Variants in R3HDM2 observed in about 807,000 individuals in gnomAD.
R3HDM2 encodes the protein R3H domain containing 2.
In R3HDM2, 38 loss-of-function variants were observed where a neutral mutation model predicts 124.5. The ratio of observed to expected loss-of-function variants is 0.31; its 90% CI spans 0.24 to 0.40. R3HDM2 has a LOEUF of 0.40. Ranked by LOEUF, R3HDM2 falls within the 10% of genes least tolerant of loss-of-function variation. The pLI is 1.00. For missense variants in R3HDM2, 869 were observed against 1,236.9 expected (o/e 0.70, Z 4.46); for synonymous variants, 391 against 448.0 (o/e 0.87, Z 1.61).
intron 2 of R3HDM2, among the ~76,000 whole-genome samples, chr12:57,365,685 C>A (rs1242192718): frequency 2.0e-5 from 3 of 152,142 alleles, no homozygotes; most frequent in Non-Finnish European, 4.4e-5. Flanking sequence ...CCTGTAATCC[C>A]AGCACTTTGG....
intron 18 of R3HDM2, among the ~76,000 whole-genome samples, chr12:57,267,437 C>T (rs983186109): frequency 6.6e-6 from 1 of 152,160 alleles, no homozygotes; most frequent in Non-Finnish European, 1.5e-5. Flanking sequence ...CACCTGTAGT[C>T]CCAGCTACTC....
At chr12:57,280,035 C>A (rs2045783807) in intron 14 of R3HDM2, among the ~76,000 whole-genome samples, 1 of 151,986 alleles carries the variant, frequency 6.6e-6, no homozygotes, top group Non-Finnish European at 1.5e-5. Flanking sequence ...GAAAAAAATG[C>A]CTTGTTAATT....
chr12:57,416,666 G>A (rs760977910), intron 1 of R3HDM2, among the ~76,000 whole-genome samples: 2 of 152,050 alleles, frequency 1.3e-5, no homozygotes, highest in African/African-American at 2.4e-5. Flanking sequence ...AAATTAGCCG[G>A]CAGTGGTGGC....
At chr12:57,381,806 GAT>G (rs2064922788) in intron 2 of R3HDM2, among the ~76,000 whole-genome samples, 1 of 151,838 alleles carries the variant, frequency 6.6e-6, no homozygotes, top group African/African-American at 2.4e-5. Context: ...AGGGGATAGA[GAT>G]AGAGAGAGAG....
At chr12:57,356,637 T>A (rs1227050569) in intron 2 of R3HDM2, among the ~76,000 whole-genome samples, 1 of 152,218 alleles carries the variant, frequency 6.6e-6, no homozygotes, top group Non-Finnish European at 1.5e-5. Flanking sequence ...TTCAAAAGTT[T>A]ATGTAGAAAT....
intron 2 of R3HDM2, among the ~76,000 whole-genome samples, chr12:57,372,998 CAGG>C (rs1315846959): frequency 6.6e-6 from 1 of 152,152 alleles, no homozygotes; most frequent in African/African-American, 2.4e-5. Flanking sequence ...CGCTTGAGGC[CAGG>C]AGATTGATAC....
chr12:57,392,289 T>C (rs952751394), intron 2 of R3HDM2, among the ~76,000 whole-genome samples: 1 of 152,236 alleles, frequency 6.6e-6, no homozygotes, highest in Non-Finnish European at 1.5e-5. Context: ...ACCAGTTTTG[T>C]TGAAGACAAA....
chr12:57,350,354 GTTAT>G (rs1472393557), intron 2 of R3HDM2, among the ~76,000 whole-genome samples: 1 of 151,962 alleles, frequency 6.6e-6, no homozygotes, highest in Admixed American at 6.6e-5. Context: ...ATTCTCTATT[GTTAT>G]TTATGTTTAA....
chr12:57,318,170 T>C (rs2055589968), intron 2 of R3HDM2, among the ~76,000 whole-genome samples: 1 of 151,510 alleles, frequency 6.6e-6, no homozygotes, highest in South Asian at 2.1e-4. Flanking sequence ...TGTCTGCCTG[T>C]AATTCCAGCT....
chr12:57,256,097 C>T (rs1197080752), intron 22 of R3HDM2, 23 bp from the exon 23 acceptor site: 8 of 1,599,166 alleles, frequency 5.0e-6, no homozygotes, highest in Non-Finnish European at 6.0e-6. Flanking sequence ...AAAGACGACT[C>T]TCATCCCATG....
At chr12:57,298,601 CTACCAG>C (rs2050401557) in intron 6 of R3HDM2, among the ~76,000 whole-genome samples, 1 of 151,290 alleles carries the variant, frequency 6.6e-6, no homozygotes, top group Admixed American at 6.6e-5. Context: ...TGTCTTTTTG[CTACCAG>C]TACAAGAGTT....
At chr12:57,403,084 G>A (rs571004296) in intron 1 of R3HDM2, among the ~76,000 whole-genome samples, 2 of 152,154 alleles carry the variant, frequency 1.3e-5, no homozygotes, top group Non-Finnish European at 2.9e-5. Context: ...GGCCAGGCAC[G>A]GTGGCTCATA....
At chr12:57,418,315 C>A in intron 1 of R3HDM2, 1 of 985,416 alleles carries the variant, frequency 1.0e-6, no homozygotes, top group Non-Finnish European at 1.2e-6. Flanking sequence ...TACTTCTGCG[C>A]AGAACATTTA....
chr12:57,333,023 G>A (rs542499232), intron 2 of R3HDM2, among the ~76,000 whole-genome samples: 171 of 152,278 alleles, frequency 1.1e-3, no homozygotes, highest in South Asian at 5.2e-3. Context: ...TGTAAGAAGG[G>A]AAACGCAAAA....
chr12:57,351,955 A>G (rs542443649), intron 2 of R3HDM2, among the ~76,000 whole-genome samples: 1 of 152,320 alleles, frequency 6.6e-6, no homozygotes, highest in South Asian at 2.1e-4. Flanking sequence ...AAAAAGAAAC[A>G]AAACTTTCCT....
In R3HDM2 at chr12:57,389,369, T is replaced by C. The variant is rs138360085; in HGVS notation, c.-36+6380A>G. ...CTGGTAAGACGAGCACAGAGGCAGCTCTATTCCAAAGGTGGTTCTAGGAGA... is the reference window on the plus strand; with the variant it reads ...CTGGTAAGACGAGCACAGAGGCAGCCCTATTCCAAAGGTGGTTCTAGGAGA... On this transcript the variant is annotated intron_variant, in intron 2 of 23. Transcript: ENST00000402412. Among the ~76,000 whole-genome samples the C allele has an allele frequency of 7.2e-5, 11 of 152,346 alleles. 1 individual carries two copies. The East Asian group carries it at 1.9e-3, about 27-fold the overall frequency.
At chr12:57,422,221 C>A (rs1487412245) in intron 1 of R3HDM2, among the ~76,000 whole-genome samples, 3 of 151,868 alleles carry the variant, frequency 2.0e-5, no homozygotes, top group Middle Eastern at 6.8e-3. Flanking sequence ...TAATTCCAGT[C>A]TATTTTCCAA....
intron 1 of R3HDM2, chr12:57,418,104 C>T (rs1445604569): frequency 6.3e-6 from 6 of 950,400 alleles, no homozygotes; most frequent in Non-Finnish European, 6.3e-6. Context: ...AGTGAACTCT[C>T]TACCAACATT....
At chr12:57,342,408 C>A (rs554877347) in intron 2 of R3HDM2, among the ~76,000 whole-genome samples, 171 of 152,190 alleles carry the variant, frequency 1.1e-3, no homozygotes, top group South Asian at 5.2e-3. Context: ...CCGACCATGG[C>A]CCAGCTGTTC....
Sources: allele counts gnomAD v4.1 joint callset (sites outside exome capture counted in the v4.1 genomes callset), GRCh38; gene constraint gnomAD v4.1.1; transcripts MANE v1.5; gene names NCBI Gene and HGNC (gene_info 2026-07-23, HGNC 2026-07-21).